ARMH3: variants seen among roughly 807,000 people sequenced by gnomAD.
ARMH3 encodes armadillo like helical domain containing 3, also known as armadillo-like helical domain-containing protein 3.
A neutral mutation model predicts 99.1 loss-of-function variants in ARMH3; 60 were observed. That is an observed-to-expected ratio of 0.61 (90% CI 0.49 to 0.75). The LOEUF (loss-of-function observed/expected upper bound fraction) is 0.75, where lower values mean the gene tolerates loss of function less well. Ranked by LOEUF, ARMH3 falls within the 30% of genes least tolerant of loss-of-function variation. The probability of loss-of-function intolerance (pLI) is 0.00; values close to 1 mark genes in which losing one functional copy is unlikely to be tolerated. For missense variants in ARMH3, 679 were observed against 843.1 expected (o/e 0.81, Z 2.41); for synonymous variants, 285 against 292.8 (o/e 0.97, Z 0.27).
intron 11 of ARMH3, among the ~76,000 whole-genome samples, 165 bp from the exon 12 acceptor site, chr10:102,010,188 A>C (rs572526983): frequency 1.3e-5 from 2 of 152,324 alleles, no homozygotes; most frequent in South Asian, 4.1e-4. Context: ...CACTTTGAAA[A>C]TCTTAAAAGA....
chr10:101,866,482 TAAAA>T (rs58252053), intron 24 of ARMH3, among the ~76,000 whole-genome samples: 1 of 126,790 alleles, frequency 7.9e-6, no homozygotes, highest in Non-Finnish European at 1.6e-5. Context: ...AGGACAAGTG[TAAAA>T]AAAAAAAAAA....
At chr10:101,864,306 TA>T (rs1426904190) in intron 24 of ARMH3, among the ~76,000 whole-genome samples, 2 of 152,184 alleles carry the variant, frequency 1.3e-5, no homozygotes, top group African/African-American at 4.8e-5. Context: ...AACTGTAAAC[TA>T]GTTCAACCAT....
chr10:101,889,183 C>T (rs2067625187), intron 24 of ARMH3, among the ~76,000 whole-genome samples: 1 of 152,204 alleles, frequency 6.6e-6, no homozygotes, highest in Admixed American at 6.5e-5. Context: ...ACCAGATTTT[C>T]ACCTACATAT....
chr10:101,860,253 G>T (rs940950345), intron 24 of ARMH3, among the ~76,000 whole-genome samples: 24 of 152,120 alleles, frequency 1.6e-4, no homozygotes, highest in Non-Finnish European at 2.8e-4. Flanking sequence ...TATAGATATA[G>T]ATATAGATAT....
At chr10:102,031,385 A>G (rs1474538343) in intron 4 of ARMH3, among the ~76,000 whole-genome samples, 2 of 152,232 alleles carry the variant, frequency 1.3e-5, no homozygotes, top group Admixed American at 6.5e-5. Context: ...ACAATGTACA[A>G]TATTTTATGG....
In ARMH3 at chr10:102,020,433, T is replaced by A. The variant is rs568743955; in HGVS notation, c.669+3044A>T. On this transcript the variant is annotated intron_variant, in intron 8 of 25. Transcript: ENST00000370033. ...GGCTCACACCTATAATCCAAGCACT[T>A]TGGGAGGCCGAGGCGGGTGGATCAC... is the stretch of plus-strand genomic sequence containing the variant. 3.9e-5 allele frequency among the ~76,000 whole-genome samples: 6 copies of A among 151,960 alleles called. No individual in the cohort carries two copies. In the East Asian group the frequency reaches 1.2e-3, roughly 30 times the overall value.
intron 24 of ARMH3, among the ~76,000 whole-genome samples, chr10:101,862,843 C>T (rs182315369): frequency 6.6e-5 from 10 of 152,206 alleles, no homozygotes; most frequent in Middle Eastern, 6.8e-3. Flanking sequence ...TGTAATACTC[C>T]AATTAAAAGG....
At chr10:101,903,596 A>C (rs1564737046) in intron 23 of ARMH3, among the ~76,000 whole-genome samples, 2 of 152,182 alleles carry the variant, frequency 1.3e-5, no homozygotes, top group East Asian at 3.8e-4. Context: ...TTAGGCAAGG[A>C]AAGGTGAGAA....
chr10:101,935,746 ACTCTG>A, intron 23 of ARMH3, among the ~76,000 whole-genome samples: 1 of 152,182 alleles, frequency 6.6e-6, no homozygotes, highest in Non-Finnish European at 1.5e-5. Flanking sequence ...GAGTTTGTTC[ACTCTG>A]CCTTAAAAAT....
At chr10:102,033,698 G>A (rs199544811) in intron 2 of ARMH3, among the ~76,000 whole-genome samples, 3 of 152,138 alleles carry the variant, frequency 2.0e-5, no homozygotes, top group Admixed American at 6.6e-5. Context: ...GATTACAGGC[G>A]TGAGCCACCG....
At chr10:102,027,444 C>A (rs1307419709) in intron 5 of ARMH3, among the ~76,000 whole-genome samples, 1 of 151,946 alleles carries the variant, frequency 6.6e-6, no homozygotes, top group Non-Finnish European at 1.5e-5. Context: ...GATGAGAAGT[C>A]CCCTCATCAC....
intron 23 of ARMH3, among the ~76,000 whole-genome samples, chr10:101,898,327 T>C (rs1432950076): frequency 3.3e-5 from 5 of 151,268 alleles, no homozygotes; most frequent in Admixed American, 6.6e-5. Context: ...CTGCGCTCCC[T>C]AGCCTGGGTG....
At chr10:101,852,016 GA>G (rs1172229830) in intron 24 of ARMH3, among the ~76,000 whole-genome samples, 1 of 115,540 alleles carries the variant, frequency 8.7e-6, no homozygotes, top group Non-Finnish European at 1.8e-5. Flanking sequence ...CTCAAGCCCA[GA>G]AAAAGGCAAA....
At chr10:102,050,195 C>A (rs947642359) in intron 1 of ARMH3, among the ~76,000 whole-genome samples, 2 of 151,240 alleles carry the variant, frequency 1.3e-5, no homozygotes, top group African/African-American at 2.4e-5. Flanking sequence ...GTAATCCCAA[C>A]ACTTTGGGAG....
intron 23 of ARMH3, among the ~76,000 whole-genome samples, chr10:101,936,049 C>T (rs1845463123): frequency 6.6e-6 from 1 of 152,134 alleles, no homozygotes; most frequent in Admixed American, 6.5e-5. Context: ...GTACGTACTT[C>T]CAAGTCATAC....
intron 23 of ARMH3, among the ~76,000 whole-genome samples, chr10:101,902,656 T>G (rs1443325429): frequency 6.6e-6 from 1 of 152,004 alleles, no homozygotes; most frequent in Non-Finnish European, 1.5e-5. Flanking sequence ...CACAGCTCTT[T>G]GTCTGCAACA....
chr10:101,892,219 C>T (rs1213970704), intron 23 of ARMH3, among the ~76,000 whole-genome samples: 1 of 151,928 alleles, frequency 6.6e-6, no homozygotes, highest in Non-Finnish European at 1.5e-5. Flanking sequence ...CTAAGGTGGG[C>T]GGATTACTTG....
At chr10:101,932,450 G>T (rs1158906447) in intron 23 of ARMH3, among the ~76,000 whole-genome samples, 1 of 152,188 alleles carries the variant, frequency 6.6e-6, no homozygotes, top group East Asian at 1.9e-4. Context: ...GTCTCAAAGA[G>T]ATTTACATAC....
intron 24 of ARMH3, among the ~76,000 whole-genome samples, chr10:101,853,446 C>T (rs2066655078): frequency 6.6e-6 from 1 of 152,188 alleles, no homozygotes; most frequent in South Asian, 2.1e-4. Context: ...TGAGTCTCAG[C>T]ACTGGCCTGG....
Sources: gnomAD v4.1 joint callset for allele counts (sites outside exome capture counted in the v4.1 genomes callset) on GRCh38, gnomAD v4.1.1 for gene constraint, MANE v1.5 for transcripts, NCBI Gene and HGNC (gene_info 2026-07-23, HGNC 2026-07-21) for gene names.